The following TFDP1 variants were observed in gnomAD, a reference collection of about 807,000 sequenced individuals.
TFDP1 encodes transcription factor Dp-1.
TFDP1 carries 6 observed loss-of-function variants against 48.0 expected under a neutral mutation model. The ratio of observed to expected loss-of-function variants is 0.13; its 90% CI spans 0.07 to 0.25. TFDP1 has a LOEUF of 0.25. TFDP1 is among the 10% of genes least tolerant of loss of function. The probability of loss-of-function intolerance (pLI) is 1.00; values close to 1 mark genes in which losing one functional copy is unlikely to be tolerated. For synonymous variants in TFDP1, 201 were observed against 211.6 expected (o/e 0.95, Z 0.44); for missense variants, 335 against 543.0 (o/e 0.62, Z 3.81).
intron 2 of TFDP1, among the ~76,000 whole-genome samples, chr13:113,595,808 T>A (rs4150698): frequency 6.6e-6 from 1 of 152,166 alleles, no homozygotes; most frequent in Non-Finnish European, 1.5e-5. Flanking sequence ...GGCGGCCGGG[T>A]GCGGTGGCTC....
chr13:113,637,995 T>A (rs1284436701), intron 11 of TFDP1, 99 bp downstream of exon 11: 2 of 1,489,332 alleles, frequency 1.3e-6, no homozygotes, highest in African/African-American at 1.4e-5. Context: ...CCATCAGGTC[T>A]GTGGCTGCTC....
rs2049632882 is a variant in TFDP1 at position 113,641,317 on chromosome 13, A to G, written c.*1050A>G. On this transcript the variant is annotated 3_prime_UTR_variant, in exon 12 of 12. Transcript: ENST00000375370. ...AAAACCCATTAACTGCACAGTTGCTATTAGCTGCCTGTTCTAAAACGATAG... is the reference window on the plus strand; with the variant it reads ...AAAACCCATTAACTGCACAGTTGCTGTTAGCTGCCTGTTCTAAAACGATAG... The G allele has an allele frequency of 6.6e-6, 1 of 152,230 alleles. No individual in the cohort carries two copies. The highest frequency in any genetic ancestry group is 6.5e-5 in the Admixed American group (1 of 15,284). The allele number at this position is 152,230 out of a possible 1,614,324, so 9.4% of individuals were successfully genotyped here.
intron 2 of TFDP1, among the ~76,000 whole-genome samples, chr13:113,594,361 A>T (rs1450289472): frequency 3.5e-5 from 4 of 115,602 alleles, no homozygotes; most frequent in Non-Finnish European, 7.0e-5. Context: ...TCAGCTATAC[A>T]CAGGTGTCAG....
In TFDP1 at chr13:113,633,585, A is replaced by G. The variant is rs1038791168; in HGVS notation, c.474+300A>G. Among the ~76,000 whole-genome samples the G allele has an allele frequency of 5.9e-5, 9 of 152,138 alleles. No individual in the cohort carries two copies. The highest frequency in any genetic ancestry group is 1.9e-4 in the African/African-American group (8 of 41,428). ...CATTTGCTGGCACGATGCTTTGTCA[A>G]CTCCAGTGAGTGAGCACGTGGGCTG... On this transcript the variant is annotated intron_variant, in intron 6 of 11. Coordinates refer to ENST00000375370, the MANE Select transcript of TFDP1 (RefSeq NM_007111.5). The surrounding 1 kb of genome is among the most constrained non-coding windows in gnomAD (Gnocchi z 4.5).
chr13:113,603,945 T>G (rs2048501667), intron 2 of TFDP1, among the ~76,000 whole-genome samples: 1 of 152,082 alleles, frequency 6.6e-6, no homozygotes, highest in East Asian at 1.9e-4. Context: ...TTACACCTGC[T>G]TGAGCCCAGG....
intron 8 of TFDP1, among the ~76,000 whole-genome samples, 176 bp from the exon 9 acceptor site, chr13:113,635,801 C>T (rs535958954): frequency 7.2e-5 from 11 of 152,172 alleles, no homozygotes; most frequent in East Asian, 1.9e-4. Flanking sequence ...GTTTCCTGAG[C>T]GCTTTTCTCC....
At chr13:113,618,774 C>T (rs965038195) in intron 3 of TFDP1, among the ~76,000 whole-genome samples, 1 of 152,210 alleles carries the variant, frequency 6.6e-6, no homozygotes, top group Non-Finnish European at 1.5e-5. Context: ...GTTCATATGA[C>T]CACTTTATTA....
At chr13:113,595,897 A>G (rs980698097) in intron 2 of TFDP1, among the ~76,000 whole-genome samples, 2 of 152,206 alleles carry the variant, frequency 1.3e-5, no homozygotes, top group African/African-American at 4.8e-5. Context: ...CCTGGCTAAC[A>G]TGGTGAAACC....
intron 2 of TFDP1, among the ~76,000 whole-genome samples, chr13:113,587,741 G>A (rs2048041479): frequency 1.3e-5 from 2 of 152,086 alleles, no homozygotes; most frequent in Non-Finnish European, 2.9e-5. Context: ...CCGCCTTACA[G>A]GCGTGAGCCA....
rs1028331531 is a variant in TFDP1, at chr13:113,641,227, T to C, written c.*960T>C. The C allele has an allele frequency of 2.0e-5, 3 of 152,572 alleles. No individual in the cohort carries two copies. The highest frequency in any genetic ancestry group is 6.5e-5 in the Admixed American group (1 of 15,284). 9.5% of individuals were successfully genotyped at this position (152,572 alleles called of 1,614,324 possible). ...AAATTTGTCAATCATTTTTAATAGT[T>C]CTTTTTTTATAAAAAGAAAAAGGAA... On this transcript the variant is annotated 3_prime_UTR_variant, in exon 12 of 12. Transcript: ENST00000375370.
rs754208758 is a variant in TFDP1, at chr13:113,633,925, C to T, written c.510C>T (p.Tyr170=). 2.3e-5 allele frequency: 37 copies of T among 1,613,986 alleles called. No individual in the cohort carries two copies. The highest frequency in any genetic ancestry group is 1.6e-4 in the Middle Eastern group (1 of 6,072). Residue 170 remains tyrosine, a synonymous_variant, in exon 7 of 12, where the codon TAC becomes TAT. Coordinates refer to ENST00000375370, the MANE Select transcript of TFDP1 (RefSeq NM_007111.5). This position sits in a 1 kb window ranked among gnomAD's most constrained non-coding sequence, Gnocchi z 4.5. ...AGAAAAACATAAGACGGCGCGTCTA[C>T]GATGCCTTAAACGTGCTAATGGCCA... The part of the protein sequence containing the change: ...YDQKNIRRRV[Y]DALNVLMAMN...
chr13:113,633,383 A>G lies in TFDP1; in HGVS notation c.474+98A>G, dbSNP rs1391335825. On this transcript the variant is annotated intron_variant, in intron 6 of 11. Coordinates refer to ENST00000375370, the MANE Select transcript of TFDP1 (RefSeq NM_007111.5). This position sits in a 1 kb window ranked among gnomAD's most constrained non-coding sequence, Gnocchi z 4.5. Reference sequence around the variant, plus strand: ...ATCGGGAACAGTTAAAACCATACAGAAAATGCCAAGTACAGCATAAAAGAA... The same window carrying G: ...ATCGGGAACAGTTAAAACCATACAGGAAATGCCAAGTACAGCATAAAAGAA... 1 of 871,268 alleles carries G rather than the reference A, an allele frequency of 1.1e-6. No homozygotes were observed. The highest frequency in any genetic ancestry group is 1.8e-6 in the Non-Finnish European group (1 of 551,538). The allele number at this position is 871,268 out of a possible 1,614,324, so 54.0% of individuals were successfully genotyped here.
rs762944005 is a variant in TFDP1, at chr13:113,633,147, T to C, written c.336T>C (p.Asn112=). The part of the protein sequence containing the change: ...AGKRNRKGEK[N]GKGLRHFSMK... Reference sequence around the variant, plus strand: ...AGCGCAACAGGAAAGGAGAGAAGAATGGCAAGGGCCTACGGCATTTCTCCA... The same window carrying C: ...AGCGCAACAGGAAAGGAGAGAAGAACGGCAAGGGCCTACGGCATTTCTCCA... Residue 112 remains asparagine, a synonymous_variant, in exon 6 of 12, where the codon AAT becomes AAC. Coordinates refer to ENST00000375370, the MANE Select transcript of TFDP1 (RefSeq NM_007111.5). This position sits in a 1 kb window ranked among gnomAD's most constrained non-coding sequence, Gnocchi z 4.5. 3 of 1,607,364 alleles carry C rather than the reference T, an allele frequency of 1.9e-6. No individual in the cohort carries two copies. The South Asian group carries it at 3.3e-5, about 18-fold the overall frequency.
At chr13:113,587,476 C>T (rs959179624) in intron 2 of TFDP1, among the ~76,000 whole-genome samples, 1 of 148,810 alleles carries the variant, frequency 6.7e-6, no homozygotes, top group Non-Finnish European at 1.5e-5. Flanking sequence ...GATGTTTTCG[C>T]TAGCTCTTTT....
At chr13:113,634,750 G>C in intron 8 of TFDP1, 148 bp downstream of exon 8, 1 of 650,038 alleles carries the variant, frequency 1.5e-6, no homozygotes, top group African/African-American at 1.8e-5. Context: ...TCTCATAGGT[G>C]TTGAACGTGG....
chr13:113,637,530 T>G, intron 10 of TFDP1: 5 of 1,276,214 alleles, frequency 3.9e-6, no homozygotes, highest in Non-Finnish European at 4.1e-6. Context: ...CGTTTCACGA[T>G]GGGTATGATA....
At chr13:113,608,077 C>T (rs112726919) in intron 2 of TFDP1, among the ~76,000 whole-genome samples, 5 of 152,284 alleles carry the variant, frequency 3.3e-5, no homozygotes, top group African/African-American at 7.2e-5. Context: ...GGGCGGGGCT[C>T]CTCTGTTGGG....
At chr13:113,618,505 A>G (rs1040462902) in intron 3 of TFDP1, among the ~76,000 whole-genome samples, 1 of 152,216 alleles carries the variant, frequency 6.6e-6, no homozygotes, top group African/African-American at 2.4e-5. Context: ...TGGGTGACAG[A>G]GTGAGACCCT....
At chr13:113,590,066 C>T (rs1031525726) in intron 2 of TFDP1, among the ~76,000 whole-genome samples, 1 of 152,218 alleles carries the variant, frequency 6.6e-6, no homozygotes, top group Non-Finnish European at 1.5e-5. Flanking sequence ...GGGTCCCGTT[C>T]GCCTCTCCAA....
Sources: gnomAD v4.1 joint callset for allele counts (sites outside exome capture counted in the v4.1 genomes callset) on GRCh38, gnomAD v4.1.1 for gene constraint, Gnocchi (gnomAD v3.1) non-coding constraint, MANE v1.5 for transcripts, NCBI Gene and HGNC (gene_info 2026-07-23, HGNC 2026-07-21) for gene names.